Variants in MGMT observed in about 807,000 individuals in gnomAD.
MGMT encodes the protein O-6-methylguanine-DNA methyltransferase.
A neutral mutation model predicts 15.9 loss-of-function variants in MGMT; 14 were observed. The observed-to-expected ratio is 0.88, with a 90% CI of 0.58 to 1.37. The LOEUF is 1.37. Among genes scored for constraint, MGMT ranks in the 40% most tolerant of loss-of-function variants. MGMT has a pLI of 0.00. For missense variants in MGMT, 282 were observed against 268.1 expected (o/e 1.05, Z -0.36); for synonymous variants, 130 against 118.2 (o/e 1.10, Z -0.65).
In MGMT at chr10:129,536,383, T is replaced by C. The variant is rs1202484037; in HGVS notation, c.125+6T>C. The C allele has an allele frequency of 6.2e-7, 1 of 1,611,172 alleles. No individual in the cohort carries two copies. The highest frequency in any genetic ancestry group is 8.5e-7 in the Non-Finnish European group (1 of 1,179,290). ...AAGGGGACGTCTGCAGCTGAGTAAG[T>C]ATGAGCCCACGTGATCCTGTATACC... On this transcript the variant is annotated splice_donor_region_variant and intron_variant, in intron 2 of 4. Transcript: ENST00000651593.
At chr10:129,673,761 A>G (rs562327373) in intron 2 of MGMT, among the ~76,000 whole-genome samples, 25 of 152,228 alleles carry the variant, frequency 1.6e-4, no homozygotes, top group Non-Finnish European at 3.4e-4. Flanking sequence ...TTTTTGGATC[A>G]TATGAAACTA....
intron 2 of MGMT, among the ~76,000 whole-genome samples, chr10:129,558,745 C>T (rs1345270936): frequency 1.3e-5 from 2 of 152,240 alleles, no homozygotes; most frequent in Admixed American, 1.3e-4. Flanking sequence ...CGCTCCACAC[C>T]ACTTTTATCA....
At chr10:129,596,705 A>AT (rs757925841) in intron 2 of MGMT, among the ~76,000 whole-genome samples, 20 of 152,238 alleles carry the variant, frequency 1.3e-4, no homozygotes, top group Non-Finnish European at 2.4e-4. Context: ...ATATGCAGAA[A>AT]TACATTTCCC....
chr10:129,685,399 G>A (rs1847893969), intron 2 of MGMT, among the ~76,000 whole-genome samples: 1 of 152,194 alleles, frequency 6.6e-6, no homozygotes, highest in African/African-American at 2.4e-5. Context: ...GAATCTGGAA[G>A]GGGCTAGTCC....
chr10:129,588,972 C>A (rs1321850346), intron 2 of MGMT, among the ~76,000 whole-genome samples: 1 of 152,234 alleles, frequency 6.6e-6, no homozygotes, highest in Non-Finnish European at 1.5e-5. Flanking sequence ...CTGGCAGTAG[C>A]CTAATGCAGT....
In MGMT at chr10:129,706,111, C is replaced by T. The variant is rs570745238; in HGVS notation, c.126-1784C>T. ...AGCCCCCACCAGTCACACTGTGGGC[C>T]GCACTCATAGGACAAAGTGCCCTTC... On this transcript the variant is annotated intron_variant, in intron 2 of 4. Coordinates refer to ENST00000651593, the MANE Select transcript of MGMT (RefSeq NM_002412.5). Among the ~76,000 whole-genome samples, 92 of 152,336 alleles carry T rather than the reference C, an allele frequency of 6.0e-4. 3 individuals are homozygous for T. Among genetic ancestry groups the T allele is most frequent in the African/African-American group, 1.6e-3 (66 of 41,582 alleles).
At chr10:129,592,785 G>A (rs1256517475) in intron 2 of MGMT, among the ~76,000 whole-genome samples, 1 of 150,412 alleles carries the variant, frequency 6.6e-6, no homozygotes, top group Non-Finnish European at 1.5e-5. Context: ...GTAAACCAGT[G>A]CAACTTTAAT....
At position 129,531,785 on chromosome 10, in the gene MGMT, T is replaced by TGG. The variant is rs150290801; in HGVS notation, c.-12-4448_-12-4447dup. Among the ~76,000 whole-genome samples the TGG allele has an allele frequency of 2.9e-3, 220 of 76,808 alleles. 2 individuals carry two copies. The highest frequency in any genetic ancestry group is 0.012 in the African/African-American group (196 of 16,314). 50.4% of individuals were successfully genotyped at this position (76,808 alleles called of 152,430 possible). ...TGCTCTTAGCGGGGGCTGGTGGGGG[T>TGG]GGGGGGGGGTGGGGGTTTGTGGGGG... On this transcript the variant is annotated intron_variant, in intron 1 of 4. Coordinates refer to ENST00000651593, the MANE Select transcript of MGMT (RefSeq NM_002412.5).
chr10:129,683,892 A>G, intron 2 of MGMT, among the ~76,000 whole-genome samples: 1 of 152,214 alleles, frequency 6.6e-6, no homozygotes, highest in East Asian at 1.9e-4. Context: ...CTTTGTGCTC[A>G]AAACAGTTGC....
intron 2 of MGMT, among the ~76,000 whole-genome samples, chr10:129,650,060 TATTA>T (rs1256476557): frequency 2.6e-5 from 4 of 152,256 alleles, no homozygotes; most frequent in African/African-American, 9.6e-5. Context: ...ATTGAATAAT[TATTA>T]ATTCATGCAA....
intron 1 of MGMT, among the ~76,000 whole-genome samples, chr10:129,518,196 T>A (rs946051348): frequency 5.3e-5 from 8 of 151,858 alleles, no homozygotes; most frequent in South Asian, 2.1e-4. Context: ...AGAAAAAAAA[T>A]TTTTCATCTC....
intron 1 of MGMT, among the ~76,000 whole-genome samples, chr10:129,487,980 TACACACACACACACACATAGGTATAC>T (rs1377381405): frequency 8.1e-5 from 11 of 136,278 alleles, no homozygotes; most frequent in African/African-American, 2.5e-4. Context: ...TACGCAGGTA[TACACACACACACACACATAGGTATAC>T]ACACACACAC....
intron 2 of MGMT, among the ~76,000 whole-genome samples, chr10:129,637,597 C>G (rs974205516): frequency 6.6e-6 from 1 of 152,170 alleles, no homozygotes; most frequent in African/African-American, 2.4e-5. Context: ...TCCCCAAATT[C>G]ACATGTTGGA....
chr10:129,720,629 G>C (rs1848359103), intron 3 of MGMT, among the ~76,000 whole-genome samples: 1 of 152,260 alleles, frequency 6.6e-6, no homozygotes, highest in Non-Finnish European at 1.5e-5. Flanking sequence ...TGACTCAACT[G>C]TGGTAGTCAC....
At position 129,508,318 on chromosome 10, in the gene MGMT, G is replaced by A. The variant is rs1001616229; in HGVS notation, c.-12-27923G>A. Among the ~76,000 whole-genome samples the A allele has an allele frequency of 3.9e-5, 6 of 152,272 alleles. No homozygotes were observed. In the South Asian group the frequency reaches 1.0e-3, roughly 26 times the overall value. On this transcript the variant is annotated intron_variant, in intron 1 of 4. Coordinates refer to ENST00000651593, the MANE Select transcript of MGMT (RefSeq NM_002412.5). The stretch of plus-strand genomic sequence containing the variant: ...GTCCTAGAAGGTATGGGTGAAGGTG[G>A]TGTGTACCAGGGGTTGGCAGGGGAA...
intron 3 of MGMT, among the ~76,000 whole-genome samples, chr10:129,723,242 G>A (rs1053479873): frequency 1.3e-5 from 2 of 152,076 alleles, no homozygotes; most frequent in African/African-American, 2.4e-5. Flanking sequence ...TACACTGAAC[G>A]TGATATGTAG....
chr10:129,706,624 A>G (rs1848165982), intron 2 of MGMT, among the ~76,000 whole-genome samples: 1 of 152,118 alleles, frequency 6.6e-6, no homozygotes. Flanking sequence ...GGGCCTCGAG[A>G]GGCAGGGAAG....
Position 129,608,165 on chromosome 10 carries a change from A to G in MGMT, c.125+71788A>G, listed in dbSNP as rs1846914942. ...GAAAAAAAACGGGGTTGCCACGTTG[A>G]CTTGCAATATGGAGCAAAAAATGAC... On this transcript the variant is annotated intron_variant, in intron 2 of 4. Transcript: ENST00000651593. 2.6e-5 allele frequency among the ~76,000 whole-genome samples: 4 copies of G among 152,274 alleles called. No individual in the cohort carries two copies. In the South Asian group the frequency reaches 8.3e-4, roughly 31 times the overall value.
intron 3 of MGMT, among the ~76,000 whole-genome samples, chr10:129,737,701 T>A (rs1848580259): frequency 6.6e-6 from 1 of 152,236 alleles, no homozygotes; most frequent in Non-Finnish European, 1.5e-5. Context: ...ACCTTTGGTC[T>A]TTGATGATGG....
Sources: gnomAD v4.1 joint callset for allele counts (sites outside exome capture counted in the v4.1 genomes callset) on GRCh38, gnomAD v4.1.1 for gene constraint, MANE v1.5 for transcripts, NCBI Gene and HGNC (gene_info 2026-07-23, HGNC 2026-07-21) for gene names.